Variants in ZNF131 observed in about 807,000 individuals in gnomAD.
ZNF131 encodes the protein zinc finger protein 131.
A neutral mutation model predicts 60.0 loss-of-function variants in ZNF131; 7 were observed. The ratio of observed to expected loss-of-function variants is 0.12; its 90% CI spans 0.07 to 0.22. The LOEUF (loss-of-function observed/expected upper bound fraction) is 0.22. Ranked by LOEUF, ZNF131 falls within the 10% of genes least tolerant of loss-of-function variation. ZNF131 has a pLI of 1.00. For missense variants in ZNF131, 493 were observed against 740.9 expected (o/e 0.67, Z 3.88); for synonymous variants, 257 against 253.2 (o/e 1.01, Z -0.14).
At chr5:43,169,477 T>C (rs1750723915) in intron 5 of ZNF131, among the ~76,000 whole-genome samples, 2 of 152,270 alleles carry the variant, frequency 1.3e-5, no homozygotes, top group African/African-American at 2.4e-5. Flanking sequence ...CAGGTAGCCA[T>C]AGACGCTCAG....
chr5:43,132,695 C>G (rs1417814532), intron 3 of ZNF131, among the ~76,000 whole-genome samples: 2 of 151,768 alleles, frequency 1.3e-5, no homozygotes, highest in African/African-American at 4.8e-5. Flanking sequence ...ATATTTTTGG[C>G]AGAGATGGCG....
At chr5:43,143,248 CTT>C in intron 4 of ZNF131, 1 of 425,658 alleles carries the variant, frequency 2.3e-6, no homozygotes, top group Non-Finnish European at 3.4e-6. Flanking sequence ...GGTCTCATCT[CTT>C]TACCTTGTGA....
At chr5:43,123,590 G>A in intron 3 of ZNF131, 1 of 272,052 alleles carries the variant, frequency 3.7e-6, no homozygotes, top group Non-Finnish European at 6.9e-6. Context: ...GTGGAAACTG[G>A]TGGTCATTGT....
At chr5:43,144,632 G>T (rs1219408800) in intron 4 of ZNF131, among the ~76,000 whole-genome samples, 1 of 152,094 alleles carries the variant, frequency 6.6e-6, no homozygotes, top group African/African-American at 2.4e-5. Context: ...TGCCACCACA[G>T]TAGTTGCAAT....
chr5:43,173,355 A>G lies in ZNF131; in HGVS notation c.1092A>G (p.Arg364=). 1 of 1,612,310 alleles carries G rather than the reference A, an allele frequency of 6.2e-7. No individual in the cohort carries two copies. ...KPFECPNCHE[R]FARNSTLKCH... is the part of the protein sequence containing the mutation. ...TTGAATGTCCAAATTGTCATGAACG[A>G]TTTGCTAGAAATAGCACTCTGAAAT... Residue 364 remains arginine, a synonymous_variant, in exon 6 of 7, where the codon CGA becomes CGG. Transcript: ENST00000682664.
chr5:43,123,078 C>A, intron 2 of ZNF131, 131 bp from the exon 3 acceptor site: 1 of 627,512 alleles, frequency 1.6e-6, no homozygotes, highest in Non-Finnish European at 2.7e-6. Flanking sequence ...GCATTTAGTT[C>A]AATAATTTCT....
intron 4 of ZNF131, among the ~76,000 whole-genome samples, chr5:43,151,120 A>T (rs1291524125): frequency 6.6e-6 from 1 of 152,206 alleles, no homozygotes; most frequent in African/African-American, 2.4e-5. Flanking sequence ...TTTCATTCAT[A>T]ATAAACCTGG....
At chr5:43,173,972 A>C (rs1751300577) in intron 6 of ZNF131, among the ~76,000 whole-genome samples, 1 of 152,178 alleles carries the variant, frequency 6.6e-6, no homozygotes, top group African/African-American at 2.4e-5. Context: ...TCACACCTGT[A>C]ATCCCAGCAC....
chr5:43,151,375 T>C (rs565751987), intron 4 of ZNF131, among the ~76,000 whole-genome samples: 1 of 152,334 alleles, frequency 6.6e-6, no homozygotes, highest in Non-Finnish European at 1.5e-5. Context: ...TGCTTGATCT[T>C]CCTTAAACAC....
rs1750446182 is a variant in ZNF131, at chr5:43,166,987, G to C, written c.1054+5056G>C. ...CACGTGACTTTCACTTAAACACTTA[G>C]AGGCTGTTGTAAGGTTATTAATTGA... On this transcript the variant is annotated intron_variant, in intron 5 of 6. Transcript: ENST00000682664. Among the ~76,000 whole-genome samples, 2 of 152,184 alleles carry C rather than the reference G, an allele frequency of 1.3e-5. 1 individual carries two copies. The highest frequency in any genetic ancestry group is 4.1e-4 in the South Asian group (2 of 4,824).
rs747997516 is a variant in ZNF131 at position 43,175,140 on chromosome 5, A to T, written c.*7A>T. The T allele has an allele frequency of 6.3e-7, 1 of 1,593,456 alleles. No individual in the cohort carries two copies. The highest frequency in any genetic ancestry group is 8.5e-7 in the Non-Finnish European group (1 of 1,171,244). On this transcript the variant is annotated 3_prime_UTR_variant, in exon 7 of 7. Coordinates refer to ENST00000682664, the MANE Select transcript of ZNF131 (RefSeq NM_001330707.2). ...TCTGCCAGTTTTAGAATGAAATTAC[A>T]CATGAATATATTTTTAAATTTACTT...
In ZNF131 at chr5:43,161,731, C is replaced by G; in HGVS notation, c.854C>G (p.Thr285Ser). 6.2e-7 allele frequency: 1 copy of G among 1,614,222 alleles called. No homozygotes were observed. The highest frequency in any genetic ancestry group is 8.5e-7 in the Non-Finnish European group (1 of 1,180,030). Residue 285 changes from threonine to serine, a missense_variant, in exon 5 of 7, where the codon ACT becomes AGT. Coordinates refer to ENST00000682664, the MANE Select transcript of ZNF131 (RefSeq NM_001330707.2). ...HFKEHMKSHS[T>S]ESFKCEICNK... The stretch of plus-strand genomic sequence containing the variant: ...AAGGAGCACATGAAATCACACTCCA[C>G]TGAGAGTTTCAAGTGTGAAATATGC...
At chr5:43,159,104 TA>T (rs1290916635) in intron 4 of ZNF131, among the ~76,000 whole-genome samples, 1 of 152,180 alleles carries the variant, frequency 6.6e-6, no homozygotes, top group African/African-American at 2.4e-5. Context: ...GGTGAATGCA[TA>T]AGATTGATTT....
chr5:43,158,594 G>A (rs1245078310), intron 4 of ZNF131, among the ~76,000 whole-genome samples: 1 of 152,184 alleles, frequency 6.6e-6, no homozygotes, highest in Non-Finnish European at 1.5e-5. Context: ...CCGGCCAGAC[G>A]TCATCTTAAC....
chr5:43,171,005 C>G lies in ZNF131; in HGVS notation c.1055-2313C>G, dbSNP rs1354776368. ...TGTCGCCCAGGCTGGAGTGCAATGG[C>G]CTGTTCTCGGCTCACTGCAACCCCT... is the stretch of plus-strand genomic sequence containing the variant. On this transcript the variant is annotated intron_variant, in intron 5 of 6. Coordinates refer to ENST00000682664, the MANE Select transcript of ZNF131 (RefSeq NM_001330707.2). 2.7e-5 allele frequency among the ~76,000 whole-genome samples: 4 copies of G among 145,860 alleles called. No homozygotes were observed. The Admixed American group carries it at 2.7e-4, about 10-fold the overall frequency.
At chr5:43,166,675 A>G (rs958817242) in intron 5 of ZNF131, among the ~76,000 whole-genome samples, 6 of 146,928 alleles carry the variant, frequency 4.1e-5, no homozygotes, top group African/African-American at 1.5e-4. Flanking sequence ...CTTTTTTTTG[A>G]CACGGGGTCT....
At chr5:43,127,606 TTC>T (rs1293230487) in intron 3 of ZNF131, among the ~76,000 whole-genome samples, 1 of 152,266 alleles carries the variant, frequency 6.6e-6, no homozygotes, top group East Asian at 1.9e-4. Flanking sequence ...GATTGTAATA[TTC>T]TCTGAGTATA....
chr5:43,130,246 A>G (rs1401159001), intron 3 of ZNF131, among the ~76,000 whole-genome samples: 2 of 125,422 alleles, frequency 1.6e-5, no homozygotes, highest in Non-Finnish European at 3.2e-5. Flanking sequence ...CCTGAGCGAT[A>G]GAGTAAGACT....
intron 5 of ZNF131, among the ~76,000 whole-genome samples, chr5:43,172,642 A>G (rs1019204783): frequency 6.6e-6 from 1 of 151,068 alleles, no homozygotes; most frequent in Middle Eastern, 3.4e-3. Flanking sequence ...ACCCTAATTT[A>G]TATATAAATC....
Sources: allele counts gnomAD v4.1 joint callset (sites outside exome capture counted in the v4.1 genomes callset), GRCh38; gene constraint gnomAD v4.1.1; transcripts MANE v1.5; gene names NCBI Gene and HGNC (gene_info 2026-07-23, HGNC 2026-07-21).